NEB: variants seen among roughly 807,000 people sequenced by gnomAD.
The protein encoded by NEB is nebulin.
A neutral mutation model predicts 952.2 loss-of-function variants in NEB; 512 were observed. The ratio of observed to expected loss-of-function variants is 0.54; its 90% CI spans 0.50 to 0.58. The LOEUF is 0.58. Among genes scored for constraint, NEB ranks in the 20% least tolerant of loss-of-function variants. NEB has a pLI of 0.00. For missense variants in NEB, 8,428 were observed against 9,231.1 expected, an observed-to-expected ratio of 0.91 and a Z score of 3.56; for synonymous variants, 2,900 against 3,149.8, an observed-to-expected ratio of 0.92 and a Z score of 2.66.
intron 105 of NEB, among the ~76,000 whole-genome samples, chr2:151,577,456 C>G (rs2096914538): frequency 6.6e-6 from 1 of 152,224 alleles, no homozygotes; most frequent in South Asian, 2.1e-4. Context: ...AGTGCCTTCT[C>G]AGAAGAACTT....
chr2:151,506,045 G>C, intron 164 of NEB, 121 bp downstream of exon 164: 1 of 851,964 alleles, frequency 1.2e-6, no homozygotes, highest in Non-Finnish European at 2.0e-6. Flanking sequence ...TGGTACACAG[G>C]CACCTATTTT....
chr2:151,493,962 T>C lies in NEB; in HGVS notation c.24580-95A>G, dbSNP rs1279724103. Reference sequence around the variant, plus strand: ...GGGGGGAAATGTTATGTTTAATCTATTACTATTAGTGAGAACACCTCTCAA... The same window carrying C: ...GGGGGGAAATGTTATGTTTAATCTACTACTATTAGTGAGAACACCTCTCAA... On this transcript the variant is annotated intron_variant, in intron 174 of 181. Transcript: ENST00000397345. 8.4e-6 allele frequency: 8 copies of C among 949,242 alleles called. No homozygotes were observed. In the African/African-American group the frequency reaches 1.3e-4, roughly 16 times the overall value. The allele number at this position is 949,242 out of a possible 1,614,324, so 58.8% of individuals were successfully genotyped here.
At chr2:151,609,012 T>C (rs2097814312) in intron 81 of NEB, among the ~76,000 whole-genome samples, 1 of 140,574 alleles carries the variant, frequency 7.1e-6, no homozygotes, top group African/African-American at 2.5e-5. Context: ...ACTGAAACTC[T>C]GAGTACATGC....
In NEB at chr2:151,570,548, C is replaced by T. The variant is rs772503328; in HGVS notation, c.17067G>A (p.Leu5689=). 2.5e-6 allele frequency: 4 copies of T among 1,610,694 alleles called. No homozygotes were observed. The highest frequency in any genetic ancestry group is 1.7e-5 in the Admixed American group (1 of 59,658). The change falls in exon 108 of 182, where the codon CTG becomes CTA. Residue 5689 remains leucine, a synonymous_variant. Coordinates refer to ENST00000397345, the MANE Select transcript of NEB (RefSeq NM_001164508.2). ...TGGCAGCCTGGATGGGGATGGCATCCAGCCGGACATCACAGCCCGCCTTCA... is the reference window on the plus strand; with the variant it reads ...TGGCAGCCTGGATGGGGATGGCATCTAGCCGGACATCACAGCCCGCCTTCA... The part of the protein sequence containing the change: ...DEMKAGCDVR[L]DAIPIQAAKA...
rs1160511236 is a variant in NEB, at chr2:151,496,374, C to T, written c.24394-6G>A. On this transcript the variant is annotated splice_polypyrimidine_tract_variant and splice_region_variant and intron_variant, in intron 172 of 181. Coordinates refer to ENST00000397345, the MANE Select transcript of NEB (RefSeq NM_001164508.2). The stretch of plus-strand genomic sequence containing the variant: ...ATGTTTTCTTTGTATAACACCTGTG[C>T]GATGAGAAAGCATCCAGAAAAACAA... 9 of 1,601,678 alleles carry T rather than the reference C, an allele frequency of 5.6e-6. No individual in the cohort carries two copies. The highest frequency in any genetic ancestry group is 6.8e-6 in the Non-Finnish European group (8 of 1,173,120).
At chr2:151,673,534 C>T (rs1036120775) in intron 36 of NEB, among the ~76,000 whole-genome samples, 11 of 151,656 alleles carry the variant, frequency 7.3e-5, no homozygotes, top group African/African-American at 2.7e-4. Context: ...GCATTGTGTG[C>T]AGACCTCCGA....
intron 9 of NEB, among the ~76,000 whole-genome samples, chr2:151,722,203 A>G (rs2099776078): frequency 6.6e-6 from 1 of 152,222 alleles, no homozygotes; most frequent in Non-Finnish European, 1.5e-5. Context: ...TTGTCGCTTT[A>G]TAATACAGTG....
At chr2:151,674,444 A>G in intron 36 of NEB, 33 bp downstream of exon 36, 1 of 1,542,168 alleles carries the variant, frequency 6.5e-7, no homozygotes, top group Non-Finnish European at 9.0e-7. Context: ...CAAAAAGGCA[A>G]ACACCTAAAC....
chr2:151,640,343 C>G lies in NEB; in HGVS notation c.8685+12G>C, dbSNP rs778689682. On this transcript the variant is annotated intron_variant, in intron 61 of 181. Transcript: ENST00000397345. The stretch of plus-strand genomic sequence containing the variant: ...CCCACCTCTGCACGTTATTATGACT[C>G]TCAGTACTCACATCGCTCTGGAGGT... The G allele has an allele frequency of 6.2e-7, 1 of 1,611,672 alleles. No individual in the cohort carries two copies. The highest frequency in any genetic ancestry group is 1.7e-5 in the Admixed American group (1 of 59,968).
rs763429938 is a variant in NEB, at chr2:151,642,811, G to A, written c.8219C>T (p.Thr2740Ile). ...TTGTTTAGCTAATAAAACTTCAGGG[G>A]TATCTGGCATAATGTGGACAGTGGT... ...DKTTVHIMPD[T>I]PEVLLAKQNK... The change falls in exon 59 of 182, where the codon ACC becomes ATC. Residue 2740 changes from threonine (T) to isoleucine (I), a missense_variant. Physicochemically the swap from Thr to Ile is moderately conservative, Grantham distance 89. Coordinates refer to ENST00000397345, the MANE Select transcript of NEB (RefSeq NM_001164508.2). The A allele has an allele frequency of 6.2e-7, 1 of 1,613,008 alleles. No homozygotes were observed. Among genetic ancestry groups the A allele is most frequent in the Admixed American group, 1.7e-5 (1 of 59,930 alleles).
At chr2:151,678,462 G>A (rs1442205245) in intron 32 of NEB, among the ~76,000 whole-genome samples, 1 of 152,178 alleles carries the variant, frequency 6.6e-6, no homozygotes, top group African/African-American at 2.4e-5. Flanking sequence ...TGACAAAACA[G>A]ATCTTTATAT....
intron 74 of NEB, among the ~76,000 whole-genome samples, chr2:151,617,732 T>A (rs1440106792): frequency 6.6e-6 from 1 of 152,062 alleles, no homozygotes; most frequent in East Asian, 1.9e-4. Context: ...ACAGTATTTT[T>A]TTTTTTTTGA....
intron 12 of NEB, 88 bp from the exon 13 acceptor site, chr2:151,707,085 C>T: frequency 2.5e-6 from 2 of 796,464 alleles, no homozygotes; most frequent in East Asian, 5.7e-5. Flanking sequence ...TTCCACAAAT[C>T]AATTTTCTCT....
At chr2:151,700,849 C>A (rs1331174003) in intron 13 of NEB, among the ~76,000 whole-genome samples, 1 of 123,532 alleles carries the variant, frequency 8.1e-6, no homozygotes, top group Admixed American at 8.9e-5. Context: ...ACTTGAATAC[C>A]CTTTATTTCC....
chr2:151,562,560 A>T, intron 120 of NEB, 51 bp downstream of exon 120: 1 of 1,476,694 alleles, frequency 6.8e-7, no homozygotes, highest in Non-Finnish European at 9.1e-7. Context: ...GGTAGCCAAG[A>T]CACAGTCATG....
intron 54 of NEB, among the ~76,000 whole-genome samples, chr2:151,646,758 T>C (rs116662255): frequency 0.013 from 2,004 of 152,260 alleles, 54 homozygotes; most frequent in East Asian, 0.062. Context: ...CAAGTGATTC[T>C]GGTGCCTCAG....
At chr2:151,494,055 T>C in intron 174 of NEB, 106 bp downstream of exon 174, 1 of 1,016,434 alleles carries the variant, frequency 9.8e-7, no homozygotes, top group Admixed American at 2.1e-5. Context: ...GATGCAAATG[T>C]AACTGGCATT....
At chr2:151,685,111 G>T in intron 27 of NEB, 136 bp from the exon 28 acceptor site, 1 of 893,064 alleles carries the variant, frequency 1.1e-6, no homozygotes, top group Non-Finnish European at 1.7e-6. Flanking sequence ...CCAAAAATGT[G>T]TTCATATGTT....
intron 54 of NEB, 112 bp from the exon 55 acceptor site, chr2:151,646,346 TATA>T: frequency 1.2e-6 from 1 of 816,994 alleles, no homozygotes; most frequent in Admixed American, 2.1e-5. Flanking sequence ...ACAGAATTGA[TATA>T]ATAAGCAGAC....
Sources: allele counts gnomAD v4.1 joint callset (sites outside exome capture counted in the v4.1 genomes callset), GRCh38; gene constraint gnomAD v4.1.1; transcripts MANE v1.5; gene names NCBI Gene and HGNC (gene_info 2026-07-23, HGNC 2026-07-21).